KCNH7: variants seen among roughly 807,000 people sequenced by gnomAD.
KCNH7 encodes the protein potassium voltage-gated channel subfamily H member 7.
Under a neutral mutation model 120.8 loss-of-function variants are expected in KCNH7, and 49 were observed. That is an observed-to-expected ratio of 0.41 (90% CI 0.32 to 0.51). KCNH7 has a LOEUF of 0.51. Among genes scored for constraint, KCNH7 ranks in the 20% least tolerant of loss-of-function variants. The probability of loss-of-function intolerance (pLI) is 0.38; values close to 1 mark genes in which losing one functional copy is unlikely to be tolerated. For missense variants in KCNH7, 1,097 were observed against 1,446.6 expected (o/e 0.76, Z 3.92); for synonymous variants, 547 against 516.1 (o/e 1.06, Z -0.81).
chr2:162,440,208 T>G (rs528288294), intron 7 of KCNH7, among the ~76,000 whole-genome samples: 88 of 152,078 alleles, frequency 5.8e-4, no homozygotes, highest in African/African-American at 2.0e-3. Context: ...CTAAAACCTT[T>G]GCCTATAAAT....
intron 9 of KCNH7, among the ~76,000 whole-genome samples, chr2:162,415,419 A>G (rs1687509645): frequency 6.6e-6 from 1 of 152,180 alleles, no homozygotes; most frequent in Non-Finnish European, 1.5e-5. Context: ...TATGTATATG[A>G]TATGCCACAA....
intron 2 of KCNH7, among the ~76,000 whole-genome samples, chr2:162,764,007 A>G (rs1045522464): frequency 4.6e-5 from 7 of 152,060 alleles, no homozygotes; most frequent in Non-Finnish European, 1.0e-4. Context: ...TGTCCTAAGG[A>G]AAGATTTTAC....
At chr2:162,452,503 CAG>C (rs1427341222) in intron 6 of KCNH7, among the ~76,000 whole-genome samples, 1 of 151,930 alleles carries the variant, frequency 6.6e-6, no homozygotes, top group Non-Finnish European at 1.5e-5. Context: ...TTCAGCCATA[CAG>C]ACTGGACACA....
chr2:162,379,617 C>CT (rs1288197764), intron 14 of KCNH7, among the ~76,000 whole-genome samples: 1 of 152,064 alleles, frequency 6.6e-6, no homozygotes, highest in Non-Finnish European at 1.5e-5. Context: ...TGGTGAAATA[C>CT]TAACTGGATG....
chr2:162,615,124 C>T (rs911690802), intron 2 of KCNH7, among the ~76,000 whole-genome samples: 16 of 152,090 alleles, frequency 1.1e-4, no homozygotes, highest in African/African-American at 3.9e-4. Flanking sequence ...ATAGGTATAT[C>T]ACTTGTGGTT....
intron 2 of KCNH7, among the ~76,000 whole-genome samples, chr2:162,736,587 TTC>T (rs1341489186): frequency 6.6e-6 from 1 of 152,220 alleles, no homozygotes; most frequent in Non-Finnish European, 1.5e-5. Context: ...CTAAGGGACA[TTC>T]ATACAGCTCA....
chr2:162,469,574 C>T (rs955711043), intron 6 of KCNH7, among the ~76,000 whole-genome samples: 1 of 152,122 alleles, frequency 6.6e-6, no homozygotes, highest in African/African-American at 2.4e-5. Context: ...TAGAAGAGTA[C>T]GTTCCACTAT....
At chr2:162,762,212 GTTTT>G (rs1235290443) in intron 2 of KCNH7, among the ~76,000 whole-genome samples, 1 of 149,106 alleles carries the variant, frequency 6.7e-6, no homozygotes, top group East Asian at 2.0e-4. Flanking sequence ...TTGTTTGTTT[GTTTT>G]TTTTCTACAC....
At chr2:162,575,995 C>T (rs534903903) in intron 2 of KCNH7, among the ~76,000 whole-genome samples, 167 of 152,130 alleles carry the variant, frequency 1.1e-3, no homozygotes, top group African/African-American at 3.8e-3. Flanking sequence ...CCATATACAA[C>T]TTTGAGAACC....
At chr2:162,410,571 T>C (rs1478540321) in intron 9 of KCNH7, among the ~76,000 whole-genome samples, 1 of 151,988 alleles carries the variant, frequency 6.6e-6, no homozygotes, top group African/African-American at 2.4e-5. Context: ...CCAAAAGCAA[T>C]TGCAACCAAA....
chr2:162,782,722 G>A (rs76126264), intron 2 of KCNH7, among the ~76,000 whole-genome samples: 4,062 of 152,244 alleles, frequency 0.027, 125 homozygotes, highest in East Asian at 0.15. Flanking sequence ...TGTTTCTGTT[G>A]CACTATTCTG....
intron 2 of KCNH7, among the ~76,000 whole-genome samples, chr2:162,664,698 A>G (rs550808320): frequency 6.6e-6 from 1 of 152,300 alleles, no homozygotes; most frequent in African/African-American, 2.4e-5. Context: ...TATGCAATAT[A>G]TGATGTCCTT....
chr2:162,468,923 T>A (rs1480185260), intron 6 of KCNH7, among the ~76,000 whole-genome samples: 1 of 151,968 alleles, frequency 6.6e-6, no homozygotes, highest in Non-Finnish European at 1.5e-5. Flanking sequence ...TAATCATAGT[T>A]CACTGTAACC....
intron 2 of KCNH7, among the ~76,000 whole-genome samples, chr2:162,626,453 G>A (rs577889139): frequency 6.6e-6 from 1 of 152,206 alleles, no homozygotes; most frequent in Non-Finnish European, 1.5e-5. Flanking sequence ...GAGAAAACTG[G>A]AATTCTGAAA....
At chr2:162,804,188 A>G (rs372351555) in intron 2 of KCNH7, among the ~76,000 whole-genome samples, 57 of 151,990 alleles carry the variant, frequency 3.8e-4, no homozygotes, top group African/African-American at 1.3e-3. Context: ...CAAGACAAGG[A>G]TGCCCACTTT....
intron 2 of KCNH7, among the ~76,000 whole-genome samples, chr2:162,782,046 A>G (rs1256094054): frequency 2.6e-5 from 4 of 152,246 alleles, no homozygotes; most frequent in African/African-American, 9.6e-5. Flanking sequence ...TTCATGACAC[A>G]AAACCCATGC....
chr2:162,654,091 A>T (rs901150897), intron 2 of KCNH7, among the ~76,000 whole-genome samples: 1 of 146,478 alleles, frequency 6.8e-6, no homozygotes, highest in South Asian at 2.1e-4. Flanking sequence ...GTGAGCAATG[A>T]TTTTTTTTTT....
intron 2 of KCNH7, among the ~76,000 whole-genome samples, chr2:162,586,981 T>C (rs907698657): frequency 6.6e-6 from 1 of 152,124 alleles, no homozygotes. Flanking sequence ...CATATATTTT[T>C]TCCTACAGAA....
At chr2:162,622,351 C>T (rs1374682671) in intron 2 of KCNH7, among the ~76,000 whole-genome samples, 1 of 152,202 alleles carries the variant, frequency 6.6e-6, no homozygotes, top group Admixed American at 6.5e-5. Context: ...CACCTGATCA[C>T]AATGGGATGT....
Sources: allele counts gnomAD v4.1 joint callset (sites outside exome capture counted in the v4.1 genomes callset), GRCh38; gene constraint gnomAD v4.1.1; transcripts MANE v1.5; gene names NCBI Gene and HGNC (gene_info 2026-07-23, HGNC 2026-07-21).